SASH1: variants seen among roughly 807,000 people sequenced by gnomAD.
SASH1 encodes the protein SAM and SH3 domain containing 1.
In SASH1, 44 loss-of-function variants were observed where a neutral mutation model predicts 125.2. The ratio of observed to expected loss-of-function variants is 0.35; its 90% CI spans 0.28 to 0.45. SASH1 has a LOEUF of 0.45. Among genes scored for constraint, SASH1 ranks in the 20% least tolerant of loss-of-function variants. The pLI is 1.00. For synonymous variants in SASH1, 639 were observed against 649.1 expected (o/e 0.98, Z 0.24); for missense variants, 1,426 against 1,614.5 (o/e 0.88, Z 2.00).
rs1471679248 is a variant in SASH1, at chr6:148,283,826, TA to T, written n.74+11451del. Among the ~76,000 whole-genome samples, 4 of 152,146 alleles carry T rather than the reference TA, an allele frequency of 2.6e-5. No individual in the cohort carries two copies. The East Asian group carries it at 5.8e-4, about 22-fold the overall frequency. The stretch of plus-strand genomic sequence containing the variant: ...GTATCTGACTACCTGGCTCTGATAC[TA>T]AGCCAGTGAAGAGCTTTCCTCATCT... On this transcript the variant is annotated intron_variant and non_coding_transcript_variant, in intron 1 of 3. Transcript: ENST00000367469.
chr6:148,463,391 C>A (rs1218078575), intron 4 of SASH1, among the ~76,000 whole-genome samples: 1 of 152,216 alleles, frequency 6.6e-6, no homozygotes, highest in Non-Finnish European at 1.5e-5. Context: ...GTGATCCACC[C>A]GTCTCGGCCT....
At chr6:148,364,157 G>A (rs568253564) in intron 1 of SASH1, among the ~76,000 whole-genome samples, 1 of 152,230 alleles carries the variant, frequency 6.6e-6, no homozygotes, top group East Asian at 1.9e-4. Context: ...CCAGCTCCAC[G>A]TCAATGACTC....
chr6:148,326,052 C>T (rs1186077165), intron 1 of SASH1, among the ~76,000 whole-genome samples: 1 of 144,326 alleles, frequency 6.9e-6, no homozygotes, highest in Non-Finnish European at 1.5e-5. Flanking sequence ...TTTTTTGAGA[C>T]AGTCTCACTC....
the SASH1 span, among the ~76,000 whole-genome samples, chr6:148,247,796 A>T: frequency 6.6e-6 from 1 of 152,234 alleles, no homozygotes; most frequent in Non-Finnish European, 1.5e-5. Context: ...ATGTTAAGTT[A>T]TGGAAATACT....
Position 148,441,019 on chromosome 6 carries a change from A to G in SASH1, c.386+612A>G, listed in dbSNP as rs1776522995. Reference sequence around the variant, plus strand: ...GTATTTCTTTTAGGCAACATAAATAAGACAAAAACAAGAGAATCTTTTTTC... The same window carrying G: ...GTATTTCTTTTAGGCAACATAAATAGGACAAAAACAAGAGAATCTTTTTTC... On this transcript the variant is annotated intron_variant, in intron 4 of 19. Coordinates refer to ENST00000367467, the MANE Select transcript of SASH1 (RefSeq NM_015278.5). 2.0e-5 allele frequency among the ~76,000 whole-genome samples: 3 copies of G among 152,264 alleles called. No homozygotes were observed. In the South Asian group the frequency reaches 6.2e-4, roughly 31 times the overall value.
intron 2 of SASH1, among the ~76,000 whole-genome samples, chr6:148,424,247 G>T (rs79351429): frequency 0.023 from 3,424 of 150,182 alleles, 59 homozygotes; most frequent in Non-Finnish European, 0.037. Context: ...TTTTTTTTGG[G>T]GGGGGGAGGT....
rs772766127 is a variant in SASH1 at position 148,525,292 on chromosome 6, G to T, written c.1211G>T (p.Arg404Ile). 1.9e-6 allele frequency: 3 copies of T among 1,613,986 alleles called. No individual in the cohort carries two copies. Among genetic ancestry groups the T allele is most frequent in the East Asian group, 2.2e-5 (1 of 44,888 alleles). The change falls in exon 11 of 20, where the codon AGA becomes ATA. Residue 404 changes from arginine to isoleucine, a missense_variant and splice_region_variant. Physicochemically the swap from Arg to Ile is moderately conservative, Grantham distance 97 (BLOSUM62 -3). Around this residue, in one of 3 missense-constraint regions of SASH1, gnomAD observed 567 missense variants for 575.6 expected, o/e 0.99. Transcript: ENST00000367467. ...TCTGCCCTACCCTCTTTTCCACAGA[G>T]AACCTGCAGTTTTGGAGGATTTGAC... ...KKGLGSLSHGRTCSFGGFDLT... is the reference protein window; with the variant it reads ...KKGLGSLSHGITCSFGGFDLT...
the SASH1 span, among the ~76,000 whole-genome samples, chr6:148,253,056 T>C: frequency 6.6e-6 from 1 of 152,332 alleles, no homozygotes; most frequent in South Asian, 2.1e-4. Flanking sequence ...AGATAGACTC[T>C]GGAACCAGGC....
At chr6:148,501,958 T>G (rs1254156936) in intron 8 of SASH1, among the ~76,000 whole-genome samples, 1 of 152,212 alleles carries the variant, frequency 6.6e-6, no homozygotes, top group Non-Finnish European at 1.5e-5. Flanking sequence ...TAACATCCAT[T>G]TGCTGCTCCT....
intron 1 of SASH1, among the ~76,000 whole-genome samples, chr6:148,384,185 G>C (rs1384012236): frequency 1.3e-5 from 2 of 152,076 alleles, no homozygotes; most frequent in Non-Finnish European, 2.9e-5. Flanking sequence ...CTTATAAAAA[G>C]ATCGCGTGAC....
At chr6:148,539,743 C>A (rs1185971251) in intron 16 of SASH1, among the ~76,000 whole-genome samples, 1 of 152,066 alleles carries the variant, frequency 6.6e-6, no homozygotes, top group African/African-American at 2.4e-5. Flanking sequence ...TGGCACAAGA[C>A]AAAAGGAGAA....
chr6:148,199,424 C>T, the SASH1 span, among the ~76,000 whole-genome samples: 1 of 150,466 alleles, frequency 6.6e-6, no homozygotes. Flanking sequence ...ACTCCCTTTT[C>T]TCTCCTTTTA....
At chr6:148,456,037 T>C (rs1339787402) in intron 4 of SASH1, among the ~76,000 whole-genome samples, 1 of 152,308 alleles carries the variant, frequency 6.6e-6, no homozygotes, top group Non-Finnish European at 1.5e-5. Flanking sequence ...CACAACGGCC[T>C]GCGTGGCCAG....
the SASH1 span, among the ~76,000 whole-genome samples, chr6:148,229,847 G>A: frequency 6.6e-6 from 1 of 151,654 alleles, no homozygotes; most frequent in African/African-American, 2.4e-5. Context: ...GGATAGCTCG[G>A]ATTACAGGTG....
the SASH1 span, among the ~76,000 whole-genome samples, chr6:148,238,372 C>T: frequency 7.2e-5 from 11 of 151,996 alleles, no homozygotes; most frequent in African/African-American, 1.2e-4. Flanking sequence ...TACAGGCATG[C>T]GCCACCATCC....
intron 8 of SASH1, among the ~76,000 whole-genome samples, chr6:148,492,835 A>ATAG (rs1779163583): frequency 2.3e-5 from 2 of 87,614 alleles, no homozygotes; most frequent in African/African-American, 8.1e-5. Context: ...AATATAAATA[A>ATAG]ATAAATAAAT....
At position 148,519,851 on chromosome 6, in the gene SASH1, C is replaced by T. The variant is rs767114883; in HGVS notation, c.1167C>T (p.Thr389=). 10 of 1,602,702 alleles carry T rather than the reference C, an allele frequency of 6.2e-6. No homozygotes were observed. The highest frequency in any genetic ancestry group is 1.7e-5 in the Admixed American group (1 of 58,558). Residue 389 remains threonine (T), a synonymous_variant, in exon 10 of 20, where the codon ACC becomes ACT. Transcript: ENST00000367467. This position sits in a 1 kb window ranked among gnomAD's most constrained non-coding sequence, Gnocchi z 4.8. ...CCCAGAAAGTGTCCCGCTCCCTCAC[C>T]GAGGGGGAGATGAAGAAGGGTCTCG... ...EKAQKVSRSL[T]EGEMKKGLGS...
In SASH1 at chr6:148,505,911, C is replaced by T. The variant is rs572793646; in HGVS notation, c.730-8413C>T. The stretch of plus-strand genomic sequence containing the variant: ...TTGGCTTCCCAAAGTGCTGGGATTA[C>T]AGGTGTGAGCCACCGCGCCCAGCTA... On this transcript the variant is annotated intron_variant, in intron 8 of 19. Coordinates refer to ENST00000367467, the MANE Select transcript of SASH1 (RefSeq NM_015278.5). Among the ~76,000 whole-genome samples the T allele has an allele frequency of 1.6e-3, 236 of 152,030 alleles. 3 individuals carry two copies. The highest frequency in any genetic ancestry group is 5.3e-3 in the African/African-American group (222 of 41,538).
At chr6:148,210,176 G>A in the SASH1 span, among the ~76,000 whole-genome samples, 3 of 152,158 alleles carry the variant, frequency 2.0e-5, no homozygotes, top group African/African-American at 4.8e-5. Flanking sequence ...TTCACACAAC[G>A]TGGTAAAGAC....
Sources: allele counts gnomAD v4.1 joint callset (sites outside exome capture counted in the v4.1 genomes callset), GRCh38; gene constraint gnomAD v4.1.1; regional missense constraint gnomAD v4.1.1; non-coding constraint Gnocchi (gnomAD v3.1); transcripts MANE v1.5; gene names NCBI Gene and HGNC (gene_info 2026-07-23, HGNC 2026-07-21).